HMGCS2: variants seen among roughly 807,000 people sequenced by gnomAD.
HMGCS2 encodes the protein 3-hydroxy-3-methylglutaryl-CoA synthase 2, also known as hydroxymethylglutaryl-CoA synthase, mitochondrial.
A neutral mutation model predicts 57.4 loss-of-function variants in HMGCS2; 50 were observed. The observed-to-expected ratio is 0.87, with a 90% CI of 0.69 to 1.10. The LOEUF is 1.10. Ranked by LOEUF, HMGCS2 falls within the 50% of genes least tolerant of loss-of-function variation. The pLI, the probability that HMGCS2 is intolerant of heterozygous loss-of-function variation, is 0.00. For synonymous variants in HMGCS2, 254 were observed against 245.1 expected (o/e 1.04, Z -0.34); for missense variants, 627 against 636.5 (o/e 0.99, Z 0.16).
chr1:119,765,636 T>C (rs995450433), intron 1 of HMGCS2, among the ~76,000 whole-genome samples: 2 of 152,240 alleles, frequency 1.3e-5, no homozygotes, highest in Non-Finnish European at 2.9e-5. Flanking sequence ...TTATTTACTC[T>C]CTGCATCCTT....
chr1:119,757,273 C>G lies in HMGCS2; in HGVS notation c.1016G>C (p.Gly339Ala), dbSNP rs74889853. Reference protein sequence around the residue: ...TSLYKGLEAFGGLKLEDTYTN... With the variant: ...TSLYKGLEAFAGLKLEDTYTN... ...TAGGCTCCCCAAGAAGAGAACTCAC[C>G]CGAAAGCCTCCAGCCCCTTATATAA... The change falls in exon 5 of 10, where the codon GGG becomes GCG. Residue 339 changes from glycine (G) to alanine (A), a missense_variant and splice_region_variant. Coordinates refer to ENST00000369406, the MANE Select transcript of HMGCS2 (RefSeq NM_005518.4). 1 of 1,614,020 alleles carries G rather than the reference C, an allele frequency of 6.2e-7. No individual in the cohort carries two copies. The highest frequency in any genetic ancestry group is 8.5e-7 in the Non-Finnish European group (1 of 1,180,004).
At position 119,753,323 on chromosome 1, in the gene HMGCS2, T is replaced by A; in HGVS notation, c.1251A>T (p.Ala417=). The A allele has an allele frequency of 6.2e-7, 1 of 1,613,808 alleles. No individual in the cohort carries two copies. Among genetic ancestry groups the A allele is most frequent in the Middle Eastern group, 1.7e-4 (1 of 6,060 alleles). Residue 417 remains alanine (A), a synonymous_variant, in exon 7 of 10, where the codon GCA becomes GCT. Transcript: ENST00000369406. ...ATACTCGAAATGAAAAGAAACTTGC[T>A]GCTAAACCAGAGCCATAAGAGAAGG... ...IGAFSYGSGL[A]ASFFSFRVSQ...
chr1:119,760,359 C>A (rs1652997726), intron 2 of HMGCS2, among the ~76,000 whole-genome samples: 1 of 152,156 alleles, frequency 6.6e-6, no homozygotes, highest in Non-Finnish European at 1.5e-5. Flanking sequence ...GGGAGGGAAA[C>A]TAACATTTAA....
At chr1:119,751,333 G>A (rs587636395) in intron 8 of HMGCS2, among the ~76,000 whole-genome samples, 12 of 149,838 alleles carry the variant, frequency 8.0e-5, no homozygotes, top group African/African-American at 2.4e-4. Context: ...GTCCGTTAAC[G>A]TTTGTCTCAG....
At chr1:119,750,649 A>C (rs1057421516) in intron 9 of HMGCS2, 148 bp downstream of exon 9, 1 of 685,926 alleles carries the variant, frequency 1.5e-6, no homozygotes, top group African/African-American at 1.8e-5. Context: ...AAAATTCCAC[A>C]GATAATTCTC....
At chr1:119,761,249 C>T (rs1184191193) in intron 2 of HMGCS2, among the ~76,000 whole-genome samples, 1 of 148,270 alleles carries the variant, frequency 6.7e-6, no homozygotes, top group Non-Finnish European at 1.5e-5. Flanking sequence ...GAAAACAATA[C>T]TTTTTTCTAC....
In HMGCS2 at chr1:119,750,815, C is replaced by T. The variant is rs758519315; in HGVS notation, c.1514G>A (p.Arg505Gln). The change falls in exon 9 of 10, where the codon CGG becomes CAG. Residue 505 changes from arginine to glutamine, a missense_variant. By Grantham distance (43) the Arg-to-Gln change is conservative. Coordinates refer to ENST00000369406, the MANE Select transcript of HMGCS2 (RefSeq NM_005518.4). ...CACTCACCACCTTTAGACGGGACGC[C>T]GGGCATACTTTCGGCGATGCTGCTC... ...VDEQHRRKYA[R>Q]RPV is the part of the protein sequence containing the mutation. 24 of 1,612,952 alleles carry T rather than the reference C, an allele frequency of 1.5e-5. No homozygotes were observed. Among genetic ancestry groups the T allele is most frequent in the African/African-American group, 8.0e-5 (6 of 74,832 alleles).
chr1:119,761,259 C>A lies in HMGCS2; in HGVS notation c.560-1270G>T, dbSNP rs183153852. Among the ~76,000 whole-genome samples, 517 of 148,620 alleles carry A rather than the reference C, an allele frequency of 3.5e-3. 7 individuals carry two copies. The highest frequency in any genetic ancestry group is 0.012 in the African/African-American group (504 of 40,744). ...TAAGGGAAAACAATACTTTTTTCTA[C>A]CTGTATATAAGCACACACACGCACA... On this transcript the variant is annotated intron_variant, in intron 2 of 9. Coordinates refer to ENST00000369406, the MANE Select transcript of HMGCS2 (RefSeq NM_005518.4).
At position 119,753,401 on chromosome 1, in the gene HMGCS2, A is replaced by G. The variant is rs750087656; in HGVS notation, c.1188-15T>C. 2.4e-6 allele frequency: 3 copies of G among 1,270,062 alleles called. No homozygotes were observed. The highest frequency in any genetic ancestry group is 1.9e-4 in the Middle Eastern group (1 of 5,374). 78.7% of individuals were successfully genotyped at this position (1,270,062 alleles called of 1,614,324 possible). ...GGGCAGAGTGGCTGTGGGGAAAGAA[A>G]TCAAATAAAACACACACACACACAC... On this transcript the variant is annotated splice_polypyrimidine_tract_variant and intron_variant, in intron 6 of 9. Transcript: ENST00000369406.
chr1:119,757,518 CGA>C, intron 4 of HMGCS2, 80 bp from the exon 5 acceptor site: 4 of 1,603,390 alleles, frequency 2.5e-6, no homozygotes, highest in Non-Finnish European at 3.4e-6. Context: ...TTAACTGTGC[CGA>C]GTTTCTCCAG....
chr1:119,757,468 G>C, intron 4 of HMGCS2, 30 bp from the exon 5 acceptor site: 2 of 1,613,998 alleles, frequency 1.2e-6, no homozygotes, highest in Non-Finnish European at 1.7e-6. Context: ...GGCAAGGATG[G>C]GGCATGAGGG....
chr1:119,764,806 A>G (rs1653164031), intron 1 of HMGCS2, among the ~76,000 whole-genome samples, 180 bp from the exon 2 acceptor site: 1 of 152,222 alleles, frequency 6.6e-6, no homozygotes, highest in Middle Eastern at 3.2e-3. Context: ...CTTATTAAAT[A>G]TCCCTTTTCA....
rs1331997383 is a variant in HMGCS2, at chr1:119,757,353, C to G, written c.936G>C (p.Leu312=). The change falls in exon 5 of 10, where the codon CTG becomes CTC. Residue 312 remains leucine (L), a synonymous_variant. Coordinates refer to ENST00000369406, the MANE Select transcript of HMGCS2 (RefSeq NM_005518.4). ...TPFCKMVQKS[L]ARLMFNDFLS... is the part of the protein sequence containing the mutation. ...GGAAGTCATTGAACATCAGGCGAGC[C>G]AGAGACTTCTGGACCATCTTGCAAA... The G allele has an allele frequency of 6.2e-7, 1 of 1,614,054 alleles. No homozygotes were observed. Among genetic ancestry groups the G allele is most frequent in the Non-Finnish European group, 8.5e-7 (1 of 1,180,048 alleles).
chr1:119,757,066 C>T (rs1652865892), intron 5 of HMGCS2, among the ~76,000 whole-genome samples: 1 of 152,140 alleles, frequency 6.6e-6, no homozygotes, highest in South Asian at 2.1e-4. Flanking sequence ...TGCCAAATCC[C>T]CCATGTTTCC....
chr1:119,757,507 T>C, intron 4 of HMGCS2, 69 bp from the exon 5 acceptor site: 1 of 1,609,704 alleles, frequency 6.2e-7, no homozygotes, highest in Non-Finnish European at 8.5e-7. Context: ...CTCCCTGAGA[T>C]TTAACTGTGC....
rs1652990188 is a variant in HMGCS2, at chr1:119,760,044, AGTGCCTACTGT to A, written c.560-66_560-56del. 8.6e-6 allele frequency: 13 copies of A among 1,511,482 alleles called. No homozygotes were observed. In the South Asian group the frequency reaches 1.4e-4, roughly 16 times the overall value. The allele number at this position is 1,511,482 out of a possible 1,614,324, so 93.6% of individuals were successfully genotyped here. ...TCATTACCAAATCTAGAGTAGACTG[AGTGCCTACTGT>A]GTACCAGGCACAATTCTAGGTCCTG... On this transcript the variant is annotated intron_variant, in intron 2 of 9. Coordinates refer to ENST00000369406, the MANE Select transcript of HMGCS2 (RefSeq NM_005518.4).
chr1:119,750,476 C>T (rs897535242), intron 9 of HMGCS2, among the ~76,000 whole-genome samples: 1 of 152,190 alleles, frequency 6.6e-6, no homozygotes, highest in Admixed American at 6.5e-5. Flanking sequence ...ATGTTTCTCC[C>T]CCAGCTTTTG....
chr1:119,749,343 C>T (rs1275716109), intron 9 of HMGCS2, among the ~76,000 whole-genome samples: 1 of 151,584 alleles, frequency 6.6e-6, no homozygotes, highest in Non-Finnish European at 1.5e-5. Flanking sequence ...ATTTCTCTTT[C>T]TCTCTCCCCC....
chr1:119,752,408 ATCT>A (rs774735230), intron 8 of HMGCS2, 138 bp downstream of exon 8: 6 of 973,234 alleles, frequency 6.2e-6, no homozygotes, highest in East Asian at 2.5e-5. Flanking sequence ...TGGACAACAG[ATCT>A]TCTAGCAAAT....
Sources: allele counts gnomAD v4.1 joint callset (sites outside exome capture counted in the v4.1 genomes callset), GRCh38; gene constraint gnomAD v4.1.1; transcripts MANE v1.5; gene names NCBI Gene and HGNC (gene_info 2026-07-23, HGNC 2026-07-21).